Variants in PSAP observed in about 807,000 individuals in gnomAD.
PSAP encodes the protein precursor of saposins.
Under a neutral mutation model 66.0 loss-of-function variants are expected in PSAP, and 25 were observed. The ratio of observed to expected loss-of-function variants is 0.38; its 90% CI spans 0.28 to 0.53. The LOEUF is 0.53. Ranked by LOEUF, PSAP falls within the 20% of genes least tolerant of loss-of-function variation. The pLI is 0.83. For missense variants in PSAP, 649 were observed against 668.8 expected, an observed-to-expected ratio of 0.97 and a Z score of 0.33; for synonymous variants, 273 against 258.9, an observed-to-expected ratio of 1.05 and a Z score of -0.52.
chr10:71,834,528 G>A (rs1164411603), intron 1 of PSAP, 23 bp from the exon 2 acceptor site: 1 of 1,612,616 alleles, frequency 6.2e-7, no homozygotes, highest in East Asian at 2.2e-5. Flanking sequence ...CCAACGTGAG[G>A]AGGTGGCCCA....
chr10:71,842,239 T>C (rs1285499911), intron 1 of PSAP, among the ~76,000 whole-genome samples: 2 of 152,284 alleles, frequency 1.3e-5, no homozygotes, highest in Non-Finnish European at 1.5e-5. Context: ...TGACATGACA[T>C]TGCAACAGAC....
At chr10:71,834,299 C>T in intron 2 of PSAP, 73 bp downstream of exon 2, 3 of 1,604,972 alleles carry the variant, frequency 1.9e-6, no homozygotes, top group Non-Finnish European at 1.7e-6. Flanking sequence ...GTCAATATGG[C>T]AGTGAGTTAC....
At chr10:71,824,420 T>G (rs948930061) in intron 7 of PSAP, among the ~76,000 whole-genome samples, 7 of 152,234 alleles carry the variant, frequency 4.6e-5, no homozygotes, top group African/African-American at 1.2e-4. Context: ...TTTAACAATG[T>G]ATCCAAAGCC....
chr10:71,818,448 C>T (rs1842220065), intron 13 of PSAP, among the ~76,000 whole-genome samples, 169 bp downstream of exon 13: 1 of 152,176 alleles, frequency 6.6e-6, no homozygotes, highest in Admixed American at 6.5e-5. Flanking sequence ...TTCACCCTGT[C>T]TTTTCTAGGG....
intron 1 of PSAP, among the ~76,000 whole-genome samples, chr10:71,835,653 A>T (rs1165951712): frequency 6.6e-6 from 1 of 152,144 alleles, no homozygotes; most frequent in Non-Finnish European, 1.5e-5. Context: ...GGGGAAAAAA[A>T]TCCTCAGATT....
chr10:71,830,049 G>A (rs1052471225), intron 4 of PSAP, among the ~76,000 whole-genome samples: 2 of 152,088 alleles, frequency 1.3e-5, no homozygotes, highest in African/African-American at 4.8e-5. Context: ...TGCTGGAGGA[G>A]AAGAGTCAGC....
chr10:71,850,105 C>A (rs1241828694), intron 1 of PSAP, among the ~76,000 whole-genome samples: 3 of 152,106 alleles, frequency 2.0e-5, no homozygotes, highest in Non-Finnish European at 4.4e-5. Flanking sequence ...CCTTGCCATA[C>A]CTTGAAATTG....
At chr10:71,851,121 T>C in intron 1 of PSAP, 61 bp downstream of exon 1, 1 of 1,537,120 alleles carries the variant, frequency 6.5e-7, no homozygotes, top group Non-Finnish European at 8.8e-7. Flanking sequence ...GCACAGCCCA[T>C]TCTGGGGCAG....
chr10:71,833,076 T>A (rs1842553170), intron 2 of PSAP, among the ~76,000 whole-genome samples: 6 of 134,298 alleles, frequency 4.5e-5, no homozygotes, highest in African/African-American at 8.1e-5. Flanking sequence ...GACCAGCCAA[T>A]CAAGTTTTAA....
chr10:71,830,563 T>C (rs1050937578), intron 4 of PSAP, among the ~76,000 whole-genome samples: 2 of 152,228 alleles, frequency 1.3e-5, no homozygotes, highest in African/African-American at 2.4e-5. Context: ...CACCAGAACC[T>C]TGGTCCTGTC....
rs910857349 is a variant in PSAP, at chr10:71,816,304, T to A, written c.*1137A>T. The A allele has an allele frequency of 2.2e-6, 1 of 454,838 alleles. No homozygotes were observed. The highest frequency in any genetic ancestry group is 2.0e-5 in the African/African-American group (1 of 49,808). The allele number at this position is 454,838 out of a possible 1,614,324, so 28.2% of individuals were successfully genotyped here. A position where few individuals can be genotyped will look rare whatever the true frequency, so the allele number is the denominator to read the frequency against. On this transcript the variant is annotated 3_prime_UTR_variant, in exon 14 of 14. Coordinates refer to ENST00000394936, the MANE Select transcript of PSAP (RefSeq NM_002778.4). The stretch of plus-strand genomic sequence containing the variant: ...CAGAAACATTAGGCCCAGATCTGGC[T>A]AACAGAATTTTATTGTTAAATCACA...
chr10:71,827,987 C>T (rs1396250853), intron 6 of PSAP, 27 bp downstream of exon 6: 3 of 1,613,810 alleles, frequency 1.9e-6, no homozygotes, highest in East Asian at 2.2e-5. Flanking sequence ...CCAGAACATC[C>T]CCAATGCACA....
At chr10:71,817,613 AC>A in intron 13 of PSAP, 137 bp from the exon 14 acceptor site, 1 of 841,820 alleles carries the variant, frequency 1.2e-6, no homozygotes, top group Non-Finnish European at 2.1e-6. Context: ...GATGCTGAAG[AC>A]CCAGGACAGG....
chr10:71,840,444 T>C (rs910440272), intron 1 of PSAP, among the ~76,000 whole-genome samples: 2 of 152,244 alleles, frequency 1.3e-5, no homozygotes, highest in East Asian at 1.9e-4. Context: ...CAAACAGCTA[T>C]TGCCACAAAT....
At chr10:71,820,677 T>C (rs1842283978) in intron 8 of PSAP, among the ~76,000 whole-genome samples, 1 of 148,880 alleles carries the variant, frequency 6.7e-6, no homozygotes, top group African/African-American at 2.5e-5. Flanking sequence ...AGGGTTCATT[T>C]TGGGGAGGAG....
intron 7 of PSAP, chr10:71,822,211 C>G (rs1235506510): frequency 3.1e-6 from 2 of 654,912 alleles, no homozygotes; most frequent in Non-Finnish European, 5.4e-6. Flanking sequence ...CCAGTTACAT[C>G]TCGGGGAGGA....
In PSAP at chr10:71,817,285, G is replaced by T; in HGVS notation, c.*156C>A. On this transcript the variant is annotated 3_prime_UTR_variant, in exon 14 of 14. Transcript: ENST00000394936. ...GCCAGGGGCTAGGGGCTCCCTTGCA[G>T]ACAGCAATGCTACAATAAAGGACAC... 2 of 850,426 alleles carry T rather than the reference G, an allele frequency of 2.4e-6. No individual in the cohort carries two copies. The highest frequency in any genetic ancestry group is 4.4e-4 in the Middle Eastern group (2 of 4,582). The allele number at this position is 850,426 out of a possible 1,614,324, so 52.7% of individuals were successfully genotyped here.
chr10:71,830,177 A>G (rs1842484495), intron 4 of PSAP, among the ~76,000 whole-genome samples: 1 of 152,068 alleles, frequency 6.6e-6, no homozygotes, highest in Non-Finnish European at 1.5e-5. Context: ...AGACATCTCA[A>G]ACTTACCCCT....
At chr10:71,828,830 C>G (rs1363397312) in intron 5 of PSAP, 47 bp downstream of exon 5, 1 of 1,606,264 alleles carries the variant, frequency 6.2e-7, no homozygotes, top group Non-Finnish European at 8.5e-7. Context: ...TCTCTCATCT[C>G]CAGTGCAACC....
Sources: gnomAD v4.1 joint callset for allele counts (sites outside exome capture counted in the v4.1 genomes callset) on GRCh38, gnomAD v4.1.1 for gene constraint, MANE v1.5 for transcripts, NCBI Gene and HGNC (gene_info 2026-07-23, HGNC 2026-07-21) for gene names.